Variants in DCTD observed in about 807,000 individuals in gnomAD.
DCTD encodes the protein deoxycytidylate deaminase.
DCTD carries 23 observed loss-of-function variants against 21.0 expected under a neutral mutation model. The observed-to-expected ratio is 1.09, with a 90% CI of 0.79 to 1.55. DCTD has a LOEUF of 1.55. Ranked by LOEUF, DCTD falls within the 40% of genes most tolerant of loss-of-function variation. The pLI, the probability that DCTD is intolerant of heterozygous loss-of-function variation, is 0.00. For synonymous variants in DCTD, 71 were observed against 81.1 expected, an observed-to-expected ratio of 0.88 and a Z score of 0.67; for missense variants, 224 against 230.0, an observed-to-expected ratio of 0.97 and a Z score of 0.17.
intron 3 of DCTD, among the ~76,000 whole-genome samples, chr4:182,899,063 T>G (rs1169220561): frequency 6.6e-6 from 1 of 152,178 alleles, no homozygotes; most frequent in Non-Finnish European, 1.5e-5. Context: ...GTAGACATTT[T>G]TTCACACAGC....
intron 3 of DCTD, among the ~76,000 whole-genome samples, chr4:182,901,915 A>G (rs114738695): frequency 0.021 from 3,188 of 152,082 alleles, 98 homozygotes; most frequent in African/African-American, 0.072. Context: ...GAGTTGCTAA[A>G]CCTGGACATG....
At chr4:182,910,061 C>T (rs555937186) in intron 3 of DCTD, among the ~76,000 whole-genome samples, 1 of 152,150 alleles carries the variant, frequency 6.6e-6, no homozygotes, top group South Asian at 2.1e-4. Flanking sequence ...TTCTACCCAA[C>T]GCACTCAGAG....
chr4:182,899,453 A>G (rs1735337678), intron 3 of DCTD, among the ~76,000 whole-genome samples: 1 of 147,878 alleles, frequency 6.8e-6, no homozygotes, highest in African/African-American at 2.5e-5. Context: ...GCTGGAGTGC[A>G]ATGACGTGAT....
intron 3 of DCTD, among the ~76,000 whole-genome samples, chr4:182,898,388 G>A (rs376992505): frequency 1.1e-4 from 17 of 152,224 alleles, no homozygotes; most frequent in Non-Finnish European, 2.2e-4. Context: ...GTGGCTGAGC[G>A]CTCTTGTAAT....
intron 5 of DCTD, among the ~76,000 whole-genome samples, chr4:182,892,487 A>G (rs1733947709): frequency 2.0e-5 from 3 of 151,982 alleles, no homozygotes; most frequent in East Asian, 1.9e-4. Flanking sequence ...CCCCGTCTCT[A>G]CTGAAAGTAC....
intron 3 of DCTD, among the ~76,000 whole-genome samples, chr4:182,902,844 A>C (rs1489662556): frequency 6.6e-6 from 1 of 152,212 alleles, no homozygotes; most frequent in Admixed American, 6.5e-5. Flanking sequence ...CTAAAGCAAC[A>C]CAGTAGGACT....
At chr4:182,901,003 T>C (rs551291324) in intron 3 of DCTD, among the ~76,000 whole-genome samples, 2 of 152,338 alleles carry the variant, frequency 1.3e-5, no homozygotes, top group South Asian at 2.1e-4. Flanking sequence ...TACTGTCTCA[T>C]GTAGGCGGTT....
intron 3 of DCTD, among the ~76,000 whole-genome samples, chr4:182,907,299 G>A (rs1184143349): frequency 1.3e-5 from 2 of 152,020 alleles, no homozygotes; most frequent in South Asian, 2.1e-4. Context: ...CACAACACCC[G>A]GCTAATTTTT....
chr4:182,913,861 C>T (rs978731198), intron 3 of DCTD, among the ~76,000 whole-genome samples: 2 of 152,206 alleles, frequency 1.3e-5, no homozygotes, highest in African/African-American at 2.4e-5. Context: ...AAGGAATTTT[C>T]CCTGGGGCTT....
At chr4:182,893,604 C>T (rs1447710291) in intron 4 of DCTD, among the ~76,000 whole-genome samples, 1 of 152,244 alleles carries the variant, frequency 6.6e-6, no homozygotes, top group Non-Finnish European at 1.5e-5. Context: ...CAGCAGGCAG[C>T]GCTAACTCGG....
chr4:182,905,848 C>G (rs1441301017), intron 3 of DCTD, among the ~76,000 whole-genome samples: 1 of 152,202 alleles, frequency 6.6e-6, no homozygotes, highest in Non-Finnish European at 1.5e-5. Flanking sequence ...GGCACCTCAG[C>G]CTTCAGGTGT....
intron 1 of DCTD, chr4:182,916,840 G>C (rs1738828702): frequency 8.4e-6 from 9 of 1,067,522 alleles, no homozygotes; most frequent in Non-Finnish European, 1.0e-5. Flanking sequence ...CTAGAGCCCT[G>C]TGAGGACTGA....
chr4:182,894,958 C>T (rs1171937372), intron 3 of DCTD, among the ~76,000 whole-genome samples: 2 of 152,224 alleles, frequency 1.3e-5, no homozygotes, highest in Non-Finnish European at 2.9e-5. Flanking sequence ...GGAAGTTCAC[C>T]GTGGCTGTTA....
At chr4:182,899,119 A>G (rs28395501) in intron 3 of DCTD, among the ~76,000 whole-genome samples, 36,420 of 152,118 alleles carry the variant, frequency 0.24, 4,695 homozygotes, top group Non-Finnish European at 0.3. Context: ...AGCAATGCGC[A>G]CAGTTGGCTC....
At chr4:182,915,915 G>A (rs961666962) in intron 1 of DCTD, 23 of 1,080,464 alleles carry the variant, frequency 2.1e-5, no homozygotes, top group Non-Finnish European at 2.3e-5. Flanking sequence ...AGCACAGGAG[G>A]AGGGTGGAAA....
intron 1 of DCTD, 129 bp from the exon 2 acceptor site, chr4:182,915,704 A>G (rs2152865437): frequency 1.3e-6 from 1 of 789,500 alleles, no homozygotes; most frequent in Non-Finnish European, 2.1e-6. Context: ...TTTATCAATC[A>G]GAAATCACAG....
chr4:182,904,639 T>C (rs796240770), intron 3 of DCTD, among the ~76,000 whole-genome samples: 28 of 152,276 alleles, frequency 1.8e-4, no homozygotes, highest in African/African-American at 5.3e-4. Flanking sequence ...TCAGATAAGA[T>C]GTGAGCTCCT....
At chr4:182,902,365 C>A (rs1289511371) in intron 3 of DCTD, among the ~76,000 whole-genome samples, 2 of 152,240 alleles carry the variant, frequency 1.3e-5, no homozygotes, top group Non-Finnish European at 2.9e-5. Flanking sequence ...AAGCAGCAAT[C>A]TGGCTCATTA....
At chr4:182,900,858 GT>G (rs56281426) in intron 3 of DCTD, among the ~76,000 whole-genome samples, 133,048 of 143,238 alleles carry the variant, frequency 0.93, 61,748 homozygotes, top group East Asian at 0.99. Flanking sequence ...ATATGCTTTG[GT>G]TTTTTTTTTT....
Sources: gnomAD v4.1 joint callset for allele counts (sites outside exome capture counted in the v4.1 genomes callset) on GRCh38, gnomAD v4.1.1 for gene constraint, MANE v1.5 for transcripts, NCBI Gene and HGNC (gene_info 2026-07-23, HGNC 2026-07-21) for gene names.